The following NELL1 variants were observed in gnomAD, a reference collection of about 807,000 sequenced individuals.
NELL1 encodes protein kinase C-binding protein NELL1.
NELL1 carries 76 observed loss-of-function variants against 107.4 expected under a neutral mutation model. The observed-to-expected ratio is 0.71, with a 90% CI of 0.59 to 0.86. The LOEUF (loss-of-function observed/expected upper bound fraction) is 0.86. Among genes scored for constraint, NELL1 ranks in the 40% least tolerant of loss-of-function variants. NELL1 has a pLI of 0.00. For synonymous variants in NELL1, 353 were observed against 341.2 expected (o/e 1.03, Z -0.38); for missense variants, 1,024 against 1,005.5 (o/e 1.02, Z -0.25).
At chr11:21,115,714 GAA>G in intron 13 of NELL1, among the ~76,000 whole-genome samples, 1 of 151,924 alleles carries the variant, frequency 6.6e-6, no homozygotes, top group South Asian at 2.1e-4. Flanking sequence ...GTGGACAACA[GAA>G]AGGATACCAG....
chr11:21,417,844 T>A (rs1025085461), intron 15 of NELL1, among the ~76,000 whole-genome samples: 1 of 152,064 alleles, frequency 6.6e-6, no homozygotes, highest in Non-Finnish European at 1.5e-5. Context: ...TTACCCATGG[T>A]GTTTTCTTTG....
At chr11:20,780,854 T>C (rs2133979648) in intron 2 of NELL1, among the ~76,000 whole-genome samples, 1 of 152,198 alleles carries the variant, frequency 6.6e-6, no homozygotes, top group African/African-American at 2.4e-5. Flanking sequence ...GGTGTGCTCC[T>C]CTAGTAACCA....
At chr11:21,441,899 A>G (rs1164775269) in intron 15 of NELL1, among the ~76,000 whole-genome samples, 1 of 152,150 alleles carries the variant, frequency 6.6e-6, no homozygotes, top group African/African-American at 2.4e-5. Flanking sequence ...TGGAATATAT[A>G]TTTACCCAAG....
intron 14 of NELL1, among the ~76,000 whole-genome samples, chr11:21,233,532 A>G (rs1400007747): frequency 2.6e-5 from 4 of 152,236 alleles, no homozygotes; most frequent in African/African-American, 4.8e-5. Flanking sequence ...GAGAGCATAC[A>G]ATGATAACCT....
chr11:21,068,058 A>AAAAAAAAAAT (rs1853921001), intron 12 of NELL1, among the ~76,000 whole-genome samples: 1 of 150,756 alleles, frequency 6.6e-6, no homozygotes, highest in East Asian at 1.9e-4. Context: ...AAAAAAAAAA[A>AAAAAAAAAAT]AGACCTCTAT....
chr11:21,213,951 A>G (rs529604935), intron 13 of NELL1, among the ~76,000 whole-genome samples: 1 of 152,300 alleles, frequency 6.6e-6, no homozygotes, highest in Admixed American at 6.5e-5. Context: ...AAAGCACTAT[A>G]TATAAACTAA....
At chr11:20,952,133 A>G (rs1851081214) in intron 11 of NELL1, among the ~76,000 whole-genome samples, 1 of 151,972 alleles carries the variant, frequency 6.6e-6, no homozygotes, top group Non-Finnish European at 1.5e-5. Flanking sequence ...CATTTGACCC[A>G]TCCCGGAATT....
chr11:20,775,578 C>T (rs943500372), intron 2 of NELL1, among the ~76,000 whole-genome samples: 4 of 151,812 alleles, frequency 2.6e-5, no homozygotes, highest in East Asian at 1.9e-4. Flanking sequence ...CACTGAGATG[C>T]GGTGGGAGGT....
chr11:21,365,788 G>A (rs995122864), intron 14 of NELL1, among the ~76,000 whole-genome samples: 8 of 150,856 alleles, frequency 5.3e-5, no homozygotes, highest in Admixed American at 4.0e-4. Flanking sequence ...ATCTTTCCTC[G>A]ATATTTTAAA....
intron 13 of NELL1, among the ~76,000 whole-genome samples, chr11:21,221,587 A>G (rs1428253758): frequency 2.0e-5 from 3 of 151,994 alleles, no homozygotes; most frequent in African/African-American, 7.2e-5. Context: ...CAGTTTTCCT[A>G]TTTCTTTCTG....
intron 14 of NELL1, among the ~76,000 whole-genome samples, chr11:21,274,605 A>G (rs540324352): frequency 1.3e-5 from 2 of 152,320 alleles, no homozygotes; most frequent in Non-Finnish European, 2.9e-5. Flanking sequence ...CATTCGTCTC[A>G]ACACCACATT....
chr11:21,243,604 G>A (rs957296401), intron 14 of NELL1, among the ~76,000 whole-genome samples: 1 of 152,086 alleles, frequency 6.6e-6, no homozygotes, highest in African/African-American at 2.4e-5. Flanking sequence ...CACATAACAC[G>A]TGAATGCTAT....
At chr11:20,945,562 A>G (rs1219960429) in intron 10 of NELL1, among the ~76,000 whole-genome samples, 1 of 152,212 alleles carries the variant, frequency 6.6e-6, no homozygotes, top group South Asian at 2.1e-4. Context: ...ACTCTTATTT[A>G]TGCCAGGAGG....
chr11:21,333,979 A>G (rs1850328554), intron 14 of NELL1, among the ~76,000 whole-genome samples: 1 of 152,056 alleles, frequency 6.6e-6, no homozygotes, highest in African/African-American at 2.4e-5. Context: ...TTTGGGTTGG[A>G]ACACACAATT....
rs1452020160 is a variant in NELL1 at position 20,960,481 on chromosome 11, C to T, written c.1221C>T (p.Cys407=). Residue 407 remains cysteine (C), a synonymous_variant, in exon 12 of 20, where the codon TGC becomes TGT. Transcript: ENST00000357134. ...EGPKCGENSE[C]KNWNTKATCE... ...CTAAATGTGGTGAAAACTCAGAGTGCAAAAACTGGAATACAAAAGCTACTT... is the reference window on the plus strand; with the variant it reads ...CTAAATGTGGTGAAAACTCAGAGTGTAAAAACTGGAATACAAAAGCTACTT... The T allele has an allele frequency of 6.2e-7, 1 of 1,613,766 alleles. No homozygotes were observed. The highest frequency in any genetic ancestry group is 1.3e-5 in the African/African-American group (1 of 74,886).
intron 11 of NELL1, among the ~76,000 whole-genome samples, chr11:20,951,848 A>G (rs1851075005): frequency 6.6e-6 from 1 of 152,198 alleles, no homozygotes; most frequent in East Asian, 1.9e-4. Flanking sequence ...TGCTGGCAAC[A>G]TGAAATTCAT....
Position 20,859,393 on chromosome 11 carries a change from A to G in NELL1, c.506+11640A>G, listed in dbSNP as rs948723679. On this transcript the variant is annotated intron_variant, in intron 4 of 19. Transcript: ENST00000357134. ...AAGTATTGATAGGTTCATGACTTCA[A>G]CACTACAGAGATACGGCCCATTGTC... Among the ~76,000 whole-genome samples the G allele has an allele frequency of 3.9e-5, 6 of 152,196 alleles. No individual in the cohort carries two copies. The South Asian group carries it at 6.2e-4, about 16-fold the overall frequency.
chr11:21,384,383 C>T (rs1356548143), intron 15 of NELL1, among the ~76,000 whole-genome samples: 2 of 151,874 alleles, frequency 1.3e-5, no homozygotes, highest in African/African-American at 4.8e-5. Flanking sequence ...CTGTGCTCTC[C>T]CTCACTTTTT....
At chr11:20,958,316 G>A (rs1851219964) in intron 11 of NELL1, among the ~76,000 whole-genome samples, 1 of 152,080 alleles carries the variant, frequency 6.6e-6, no homozygotes, top group Non-Finnish European at 1.5e-5. Context: ...CAGTTGCCGA[G>A]GTGGGAGGAT....
Sources: gnomAD v4.1 joint callset for allele counts (sites outside exome capture counted in the v4.1 genomes callset) on GRCh38, gnomAD v4.1.1 for gene constraint, MANE v1.5 for transcripts, NCBI Gene and HGNC (gene_info 2026-07-23, HGNC 2026-07-21) for gene names.